Variants in ZNF804B observed in about 807,000 individuals in gnomAD.
The protein encoded by ZNF804B is zinc finger protein 804B.
In ZNF804B, 80 loss-of-function variants were observed where a neutral mutation model predicts 101.4. The ratio of observed to expected loss-of-function variants is 0.79; its 90% CI spans 0.66 to 0.95. ZNF804B has a LOEUF of 0.95. Ranked by LOEUF, ZNF804B falls within the 40% of genes least tolerant of loss-of-function variation. ZNF804B has a pLI of 0.00. For synonymous variants in ZNF804B, 622 were observed against 558.8 expected (o/e 1.11, Z -1.59); for missense variants, 1,673 against 1,561.9 (o/e 1.07, Z -1.20).
At chr7:89,204,712 A>G (rs999433730) in intron 1 of ZNF804B, among the ~76,000 whole-genome samples, 1 of 152,140 alleles carries the variant, frequency 6.6e-6, no homozygotes, top group Non-Finnish European at 1.5e-5. Context: ...TTATTCTTAT[A>G]CCATACATTG....
chr7:89,333,228 C>A, intron 3 of ZNF804B, 135 bp from the exon 4 acceptor site: 1 of 877,592 alleles, frequency 1.1e-6, no homozygotes, highest in Non-Finnish European at 1.6e-6. Flanking sequence ...ATAAGGACAA[C>A]AAAAGGTTAT....
chr7:88,785,809 A>T (rs1790293680), intron 1 of ZNF804B, among the ~76,000 whole-genome samples: 1 of 152,080 alleles, frequency 6.6e-6, no homozygotes, highest in Admixed American at 6.6e-5. Flanking sequence ...TGCCAGGAAC[A>T]TTCCCCTCCT....
chr7:88,997,347 T>C (rs1023535412), intron 1 of ZNF804B, among the ~76,000 whole-genome samples: 2 of 152,166 alleles, frequency 1.3e-5, no homozygotes, highest in African/African-American at 4.8e-5. Flanking sequence ...CTTATTTTGT[T>C]AGATTATCCT....
At chr7:88,885,107 C>G (rs1228912665) in intron 1 of ZNF804B, among the ~76,000 whole-genome samples, 1 of 151,898 alleles carries the variant, frequency 6.6e-6, no homozygotes, top group Non-Finnish European at 1.5e-5. Context: ...CATTAGATTT[C>G]TAGTCACCTC....
chr7:88,818,582 A>G (rs1790922757), intron 1 of ZNF804B, among the ~76,000 whole-genome samples: 1 of 152,162 alleles, frequency 6.6e-6, no homozygotes, highest in Non-Finnish European at 1.5e-5. Flanking sequence ...TAAGATAATA[A>G]TGTAGAAAAT....
At chr7:89,212,919 C>A (rs1423710014) in intron 1 of ZNF804B, among the ~76,000 whole-genome samples, 2 of 152,088 alleles carry the variant, frequency 1.3e-5, no homozygotes, top group Non-Finnish European at 2.9e-5. Context: ...ATATTCTGAG[C>A]CCCATCACCT....
At chr7:88,862,818 A>G (rs767758125) in intron 1 of ZNF804B, among the ~76,000 whole-genome samples, 2 of 151,914 alleles carry the variant, frequency 1.3e-5, no homozygotes, top group African/African-American at 4.8e-5. Context: ...CCTGCTTCAC[A>G]CTAATTATAC....
intron 1 of ZNF804B, among the ~76,000 whole-genome samples, chr7:89,055,960 G>T (rs1789285758): frequency 6.6e-6 from 1 of 152,112 alleles, no homozygotes; most frequent in African/African-American, 2.4e-5. Flanking sequence ...TATTTGATGA[G>T]ATCACTTAGG....
intron 2 of ZNF804B, among the ~76,000 whole-genome samples, chr7:89,323,040 G>A (rs192950376): frequency 1.4e-4 from 22 of 152,308 alleles, no homozygotes; most frequent in East Asian, 5.8e-4. Flanking sequence ...ACATGAGGGC[G>A]TAGCCTTCGT....
chr7:89,189,470 T>C lies in ZNF804B; in HGVS notation c.109-28685T>C, dbSNP rs114536599. On this transcript the variant is annotated intron_variant, in intron 1 of 3. Transcript: ENST00000333190. ...AGTAACCTTGTGGTATGAGCCCCAT[T>C]TGGCCTTTGTTACAAGCAGGTTTTT... 7.8e-3 allele frequency among the ~76,000 whole-genome samples: 1,180 copies of C among 152,166 alleles called. 17 individuals are homozygous for C. The highest frequency in any genetic ancestry group is 0.027 in the African/African-American group (1,109 of 41,526).
chr7:89,331,826 C>T (rs144318946), intron 3 of ZNF804B, among the ~76,000 whole-genome samples: 2 of 151,382 alleles, frequency 1.3e-5, no homozygotes, highest in Non-Finnish European at 3.0e-5. Context: ...AGGATATATT[C>T]AGGAGAGCCA....
rs767550632 is a variant in ZNF804B at position 88,897,867 on chromosome 7, CT to C, written c.108+137797del. ...TTAACAGCTTGGGGGAAGAATAGTA[CT>C]TTTTTTTTTTTTTGCGTCAGATTCA... On this transcript the variant is annotated intron_variant, in intron 1 of 3. Coordinates refer to ENST00000333190, the MANE Select transcript of ZNF804B (RefSeq NM_181646.5). Among the ~76,000 whole-genome samples, 468 of 138,652 alleles carry C rather than the reference CT, an allele frequency of 3.4e-3. 1 individual carries two copies. The highest frequency in any genetic ancestry group is 4.2e-3 in the East Asian group (20 of 4,748). The allele number at this position is 138,652 out of a possible 152,430, so 91.0% of individuals were successfully genotyped here. A position where few individuals can be genotyped will look rare whatever the true frequency, so the allele number is the denominator to read the frequency against.
Position 89,121,483 on chromosome 7 carries a change from A to C in ZNF804B, c.109-96672A>C, listed in dbSNP as rs564655175. 2.6e-5 allele frequency among the ~76,000 whole-genome samples: 4 copies of C among 152,332 alleles called. No individual in the cohort carries two copies. The South Asian group carries it at 6.2e-4, about 24-fold the overall frequency. On this transcript the variant is annotated intron_variant, in intron 1 of 3. Transcript: ENST00000333190. ...ATAAAAATAATACAAACAGTTAAAA[A>C]ATTATTGAACTTTTATGTATAATCT... is the stretch of plus-strand genomic sequence containing the variant.
chr7:88,767,673 C>A (rs1790005143), intron 1 of ZNF804B, among the ~76,000 whole-genome samples: 1 of 152,180 alleles, frequency 6.6e-6, no homozygotes, highest in Admixed American at 6.5e-5. Flanking sequence ...CATTCACATT[C>A]TCTAAAAACG....
At chr7:89,278,242 G>A (rs976219990) in intron 2 of ZNF804B, among the ~76,000 whole-genome samples, 8 of 151,810 alleles carry the variant, frequency 5.3e-5, no homozygotes, top group Non-Finnish European at 1.2e-4. Context: ...TATAGATTCT[G>A]GATATTAACC....
At chr7:89,042,495 T>C (rs1206343383) in intron 1 of ZNF804B, among the ~76,000 whole-genome samples, 2 of 152,176 alleles carry the variant, frequency 1.3e-5, no homozygotes, top group African/African-American at 4.8e-5. Flanking sequence ...AATCTGAGAT[T>C]TTTTTTCACT....
At chr7:88,974,842 C>T (rs1051509397) in intron 1 of ZNF804B, among the ~76,000 whole-genome samples, 4 of 151,232 alleles carry the variant, frequency 2.6e-5, no homozygotes, top group Non-Finnish European at 5.9e-5. Flanking sequence ...TTATTGTTGA[C>T]GGCAGTCACC....
intron 1 of ZNF804B, among the ~76,000 whole-genome samples, chr7:88,765,111 A>G (rs966946412): frequency 4.6e-5 from 7 of 152,128 alleles, no homozygotes; most frequent in East Asian, 1.9e-4. Flanking sequence ...GAAAGTTTCC[A>G]TATTAAGAAG....
At chr7:89,162,529 C>T (rs188870186) in intron 1 of ZNF804B, among the ~76,000 whole-genome samples, 2 of 151,084 alleles carry the variant, frequency 1.3e-5, no homozygotes, top group African/African-American at 4.9e-5. Flanking sequence ...TTCTCATTTA[C>T]TAATACCTTT....
Sources: allele counts gnomAD v4.1 joint callset (sites outside exome capture counted in the v4.1 genomes callset), GRCh38; gene constraint gnomAD v4.1.1; transcripts MANE v1.5; gene names NCBI Gene and HGNC (gene_info 2026-07-23, HGNC 2026-07-21).